DLG1: variants seen among roughly 807,000 people sequenced by gnomAD.
DLG1 encodes discs large MAGUK scaffold protein 1.
Under a neutral mutation model 123.4 loss-of-function variants are expected in DLG1, and 42 were observed. The ratio of observed to expected loss-of-function variants is 0.34; its 90% CI spans 0.27 to 0.44. The LOEUF (loss-of-function observed/expected upper bound fraction) is 0.44, where lower values mean the gene tolerates loss of function less well. Among genes scored for constraint, DLG1 ranks in the 20% least tolerant of loss-of-function variants. The pLI is 1.00. For synonymous variants in DLG1, 317 were observed against 356.2 expected (o/e 0.89, Z 1.24); for missense variants, 942 against 1,082.6 (o/e 0.87, Z 1.82).
At chr3:197,114,070 T>C (rs1000073642) in intron 13 of DLG1, among the ~76,000 whole-genome samples, 8 of 152,076 alleles carry the variant, frequency 5.3e-5, no homozygotes, top group African/African-American at 1.7e-4. Context: ...GCTGTAAATA[T>C]GAAATTGGGG....
At chr3:197,244,709 G>A (rs1750749659) in intron 4 of DLG1, among the ~76,000 whole-genome samples, 1 of 151,358 alleles carries the variant, frequency 6.6e-6, no homozygotes, top group Non-Finnish European at 1.5e-5. Flanking sequence ...TTTTTTTGTT[G>A]TTGTTTGGAC....
At chr3:197,265,603 A>G (rs576055398) in intron 4 of DLG1, among the ~76,000 whole-genome samples, 2 of 152,324 alleles carry the variant, frequency 1.3e-5, no homozygotes, top group East Asian at 3.9e-4. Flanking sequence ...CAGTACATGC[A>G]TGTAAGGAAA....
chr3:197,190,845 C>A (rs1719006912), intron 5 of DLG1, among the ~76,000 whole-genome samples: 1 of 152,166 alleles, frequency 6.6e-6, no homozygotes, highest in Non-Finnish European at 1.5e-5. Flanking sequence ...CCCGTCTCTA[C>A]TAAAAATACA....
rs141846198 is a variant in DLG1 at position 197,263,706 on chromosome 3, G to C, written c.318+18973C>G. On this transcript the variant is annotated intron_variant, in intron 4 of 24. Transcript: ENST00000667157. Reference sequence around the variant, plus strand: ...GGAGGCTGAGGTGGGAGAATCACTTGAACACAGGAGGTGGACACTGCAGTG... The same window carrying C: ...GGAGGCTGAGGTGGGAGAATCACTTCAACACAGGAGGTGGACACTGCAGTG... 1.9e-3 allele frequency among the ~76,000 whole-genome samples: 282 copies of C among 152,178 alleles called. 2 individuals are homozygous for C. Among genetic ancestry groups the C allele is most frequent in the Non-Finnish European group, 3.2e-3 (220 of 68,006 alleles).
chr3:197,144,254 T>C (rs922133660), intron 6 of DLG1, among the ~76,000 whole-genome samples: 1 of 152,204 alleles, frequency 6.6e-6, no homozygotes. Context: ...GATAGTATTA[T>C]TTGCCTTTGC....
chr3:197,183,631 A>G, intron 5 of DLG1: 2 of 1,550,512 alleles, frequency 1.3e-6, no homozygotes, highest in Non-Finnish European at 1.7e-6. Flanking sequence ...CTTCGAGTGA[A>G]AAATGCAACT....
At chr3:197,046,758 T>A (rs1248507883) in intron 24 of DLG1, among the ~76,000 whole-genome samples, 1 of 151,986 alleles carries the variant, frequency 6.6e-6, no homozygotes, top group East Asian at 1.9e-4. Flanking sequence ...TAGTCCCAGC[T>A]CCTTGGGAGG....
intron 15 of DLG1, among the ~76,000 whole-genome samples, chr3:197,086,280 A>G (rs1314067658): frequency 6.6e-6 from 1 of 152,212 alleles, no homozygotes; most frequent in Non-Finnish European, 1.5e-5. Context: ...ATGGACACTA[A>G]TTACAGATGA....
In DLG1 at chr3:197,280,636, ATTAC is replaced by A. The variant is rs1205242775; in HGVS notation, c.318+2039_318+2042del. Among the ~76,000 whole-genome samples, 4 of 152,344 alleles carry A rather than the reference ATTAC, an allele frequency of 2.6e-5. No individual in the cohort carries two copies. The East Asian group carries it at 5.8e-4, about 22-fold the overall frequency. ...TCAAATATTCACTTTCAATGGTTAC[ATTAC>A]TTAAACAATCGCCTATAAAAATAAG... On this transcript the variant is annotated intron_variant, in intron 4 of 24. Coordinates refer to ENST00000667157, the MANE Select transcript of DLG1 (RefSeq NM_001366207.1).
In DLG1 at chr3:197,043,089, A is replaced by T. The variant is rs917044656; in HGVS notation, c.*1534T>A. The T allele has an allele frequency of 2.0e-5, 3 of 152,222 alleles. No individual in the cohort carries two copies. The highest frequency in any genetic ancestry group is 1.5e-5 in the Non-Finnish European group (1 of 68,034). The allele number at this position is 152,222 out of a possible 1,614,324, so 9.4% of individuals were successfully genotyped here. A position where few individuals can be genotyped will look rare whatever the true frequency, so the allele number is the denominator to read the frequency against. ...ACTCCAAAGAGCAATGGGAAGCCAA[A>T]TATTATTATTAATATGAAGGACCAG... On this transcript the variant is annotated 3_prime_UTR_variant, in exon 25 of 25. Coordinates refer to ENST00000667157, the MANE Select transcript of DLG1 (RefSeq NM_001366207.1).
At chr3:197,144,636 C>A (rs1789761626) in intron 6 of DLG1, among the ~76,000 whole-genome samples, 3 of 152,064 alleles carry the variant, frequency 2.0e-5, no homozygotes, top group South Asian at 4.1e-4. Context: ...AAAATGTAGC[C>A]CTTAATTCAG....
At chr3:197,263,060 T>G (rs1389204144) in intron 4 of DLG1, among the ~76,000 whole-genome samples, 2 of 151,516 alleles carry the variant, frequency 1.3e-5, no homozygotes, top group Admixed American at 6.6e-5. Flanking sequence ...TAAATAAAGT[T>G]TATCATTTTT....
intron 5 of DLG1, among the ~76,000 whole-genome samples, chr3:197,154,444 G>C (rs1795407462): frequency 6.6e-6 from 1 of 152,128 alleles, no homozygotes; most frequent in African/African-American, 2.4e-5. Flanking sequence ...GGGAGACTGA[G>C]GTGGGTGGAT....
intron 4 of DLG1, among the ~76,000 whole-genome samples, chr3:197,215,195 A>T (rs919254934): frequency 2.6e-5 from 4 of 152,204 alleles, no homozygotes; most frequent in Non-Finnish European, 5.9e-5. Context: ...ATAATGCGTA[A>T]TGGCACAGGG....
chr3:197,133,609 A>C (rs1200141938), intron 10 of DLG1, among the ~76,000 whole-genome samples: 3 of 152,228 alleles, frequency 2.0e-5, no homozygotes, highest in Admixed American at 2.0e-4. Flanking sequence ...GCCAGAGAAA[A>C]GTTATTTGAC....
At chr3:197,250,645 A>T (rs1320257587) in intron 4 of DLG1, among the ~76,000 whole-genome samples, 1 of 152,158 alleles carries the variant, frequency 6.6e-6, no homozygotes, top group African/African-American at 2.4e-5. Context: ...TACAAAGAAT[A>T]TAAAGTGTAT....
chr3:197,260,142 C>T (rs1452953109), intron 4 of DLG1: 2 of 272,072 alleles, frequency 7.4e-6, no homozygotes, highest in African/African-American at 2.3e-5. Flanking sequence ...CATGGATTCA[C>T]ACATCTATTT....
chr3:197,296,283 T>C (rs1408186319), intron 3 of DLG1, 63 bp downstream of exon 3: 66 of 1,465,192 alleles, frequency 4.5e-5, no homozygotes, highest in Non-Finnish European at 3.6e-5. Context: ...AAGTTTAAAA[T>C]AAATGAATTG....
Position 197,098,877 on chromosome 3 carries a change from T to C in DLG1, c.1546+6026A>G, listed in dbSNP as rs991540227. Reference sequence around the variant, plus strand: ...ACAATTCCTCACAGCTACCTTTCTATATGTTCAAAACATACTTCGGCATTT... The same window carrying C: ...ACAATTCCTCACAGCTACCTTTCTACATGTTCAAAACATACTTCGGCATTT... On this transcript the variant is annotated intron_variant, in intron 14 of 24. Coordinates refer to ENST00000667157, the MANE Select transcript of DLG1 (RefSeq NM_001366207.1). Among the ~76,000 whole-genome samples, 9 of 152,302 alleles carry C rather than the reference T, an allele frequency of 5.9e-5. No individual in the cohort carries two copies. In the East Asian group the frequency reaches 1.7e-3, roughly 29 times the overall value.
Sources: gnomAD v4.1 joint callset for allele counts (sites outside exome capture counted in the v4.1 genomes callset) on GRCh38, gnomAD v4.1.1 for gene constraint, MANE v1.5 for transcripts, NCBI Gene and HGNC (gene_info 2026-07-23, HGNC 2026-07-21) for gene names.